Variants in USP15 observed in about 807,000 individuals in gnomAD.
The protein encoded by USP15 is ubiquitin specific peptidase 15.
USP15 carries 18 observed loss-of-function variants against 127.1 expected under a neutral mutation model. That is an observed-to-expected ratio of 0.14 (90% CI 0.10 to 0.21). The LOEUF (loss-of-function observed/expected upper bound fraction) is 0.21, where lower values mean the gene tolerates loss of function less well. Among genes scored for constraint, USP15 ranks in the 10% least tolerant of loss-of-function variants. The probability of loss-of-function intolerance (pLI) is 1.00; values close to 1 mark genes in which losing one functional copy is unlikely to be tolerated. For missense variants in USP15, 805 were observed against 1,159.9 expected (o/e 0.69, Z 4.44); for synonymous variants, 364 against 393.7 (o/e 0.92, Z 0.89).
intron 3 of USP15, chr12:62,314,137 C>A: frequency 2.4e-6 from 1 of 422,080 alleles, no homozygotes; most frequent in Non-Finnish European, 3.2e-6. Flanking sequence ...TTAATTGCTG[C>A]ATAGAATTAC....
chr12:62,323,776 C>T (rs2065054525), intron 5 of USP15, among the ~76,000 whole-genome samples: 3 of 151,946 alleles, frequency 2.0e-5, no homozygotes, highest in Non-Finnish European at 2.9e-5. Flanking sequence ...CTCTTTTCAT[C>T]GTGTACATTA....
At chr12:62,298,842 A>G (rs1019141274) in intron 2 of USP15, among the ~76,000 whole-genome samples, 30 of 151,476 alleles carry the variant, frequency 2.0e-4, no homozygotes, top group African/African-American at 7.3e-4. Flanking sequence ...AAAAAAAAAA[A>G]AAAAAAAAAA....
At chr12:62,268,435 A>T (rs1379325456) in intron 1 of USP15, among the ~76,000 whole-genome samples, 1 of 152,158 alleles carries the variant, frequency 6.6e-6, no homozygotes, top group Non-Finnish European at 1.5e-5. Context: ...TTCATTTGTT[A>T]TTAATATCAA....
chr12:62,408,078 T>A lies in USP15; in HGVS notation c.*3703T>A, dbSNP rs1470807099. On this transcript the variant is annotated 3_prime_UTR_variant, in exon 22 of 22. Transcript: ENST00000280377. ...ACAACATAAAGGTGGTGGGGTTTTT[T>A]ATGAACTAATTTGATTGAAGTGAGT... is the stretch of plus-strand genomic sequence containing the variant. 6.6e-6 allele frequency: 1 copy of A among 152,100 alleles called. No individual in the cohort carries two copies. The highest frequency in any genetic ancestry group is 2.4e-5 in the African/African-American group (1 of 41,426). 9.4% of individuals were successfully genotyped at this position (152,100 alleles called of 1,614,324 possible).
chr12:62,283,474 C>G (rs531062722), intron 1 of USP15, among the ~76,000 whole-genome samples: 1 of 151,990 alleles, frequency 6.6e-6, no homozygotes, highest in Non-Finnish European at 1.5e-5. Flanking sequence ...TTTAGGAGCC[C>G]TAGCCAAGAA....
rs149750632 is a variant in USP15 at position 62,366,405 on chromosome 12, C to A, written c.915+10930C>A. 5.4e-3 allele frequency among the ~76,000 whole-genome samples: 815 copies of A among 152,204 alleles called. 9 individuals are homozygous for A. Among genetic ancestry groups the A allele is most frequent in the African/African-American group, 0.019 (776 of 41,532 alleles). ...TGATTTTTGCACATTGATTTTGTAT[C>A]CTGAGACTTTGCTGAAGTTGCTTAT... On this transcript the variant is annotated intron_variant, in intron 8 of 21. Transcript: ENST00000280377.
chr12:62,347,165 T>G (rs2065843587), intron 6 of USP15, among the ~76,000 whole-genome samples: 1 of 152,082 alleles, frequency 6.6e-6, no homozygotes, highest in Non-Finnish European at 1.5e-5. Context: ...GTTTGAGTGT[T>G]TAAATGAACT....
chr12:62,411,357 CTTCA>C lies in USP15; in HGVS notation c.*6990_*6993del, dbSNP rs892283963. On this transcript the variant is annotated 3_prime_UTR_variant, in exon 22 of 22. Transcript: ENST00000280377. The stretch of plus-strand genomic sequence containing the variant: ...TCTGTATCTGTTAAGGCCTCTAGAG[CTTCA>C]TTCATTCCTTCATCAAATATTTTTT... 90 of 152,180 alleles carry C rather than the reference CTTCA, an allele frequency of 5.9e-4. No individual in the cohort carries two copies. Among genetic ancestry groups the C allele is most frequent in the African/African-American group, 1.7e-3 (72 of 41,512 alleles). The allele number at this position is 152,180 out of a possible 1,614,324, so 9.4% of individuals were successfully genotyped here.
At chr12:62,311,037 TA>T (rs1418047637) in intron 3 of USP15, among the ~76,000 whole-genome samples, 1 of 152,034 alleles carries the variant, frequency 6.6e-6, no homozygotes, top group East Asian at 1.9e-4. Flanking sequence ...GAGAAATGTC[TA>T]TTCATGTCCT....
intron 20 of USP15, among the ~76,000 whole-genome samples, chr12:62,400,818 G>C (rs73136889): frequency 0.22 from 34,054 of 151,830 alleles, 4,160 homozygotes; most frequent in African/African-American, 0.34. Context: ...CAGGTGGGGA[G>C]AATAATAATG....
intron 1 of USP15, among the ~76,000 whole-genome samples, chr12:62,276,532 G>A (rs930676861): frequency 2.6e-5 from 4 of 151,818 alleles, no homozygotes; most frequent in Non-Finnish European, 5.9e-5. Context: ...TGTCCTTTAT[G>A]TGCTTTTCCT....
intron 5 of USP15, among the ~76,000 whole-genome samples, chr12:62,325,127 A>G (rs1169083727): frequency 6.6e-6 from 1 of 151,970 alleles, no homozygotes; most frequent in African/African-American, 2.4e-5. Flanking sequence ...AGACTAATCC[A>G]TAGCAAAAAC....
At chr12:62,301,325 C>T (rs1158662682) in intron 2 of USP15, among the ~76,000 whole-genome samples, 1 of 152,080 alleles carries the variant, frequency 6.6e-6, no homozygotes, top group Non-Finnish European at 1.5e-5. Context: ...CCCAGTCATT[C>T]CACTCCTAGG....
intron 1 of USP15, among the ~76,000 whole-genome samples, chr12:62,292,842 A>G (rs1342087878): frequency 6.6e-6 from 1 of 152,086 alleles, no homozygotes; most frequent in Non-Finnish European, 1.5e-5. Context: ...TGTGGGATAG[A>G]TTATTGGGAA....
chr12:62,393,232 G>A (rs2067377764), intron 19 of USP15, 30 bp downstream of exon 19: 1 of 1,587,986 alleles, frequency 6.3e-7, no homozygotes, highest in Non-Finnish European at 8.6e-7. Context: ...TATAAGCATT[G>A]GGCAACTCTT....
chr12:62,301,092 G>A (rs1380464933), intron 2 of USP15, among the ~76,000 whole-genome samples: 1 of 152,058 alleles, frequency 6.6e-6, no homozygotes, highest in Non-Finnish European at 1.5e-5. Context: ...CACCAAAGAA[G>A]ATATAGGTTT....
intron 1 of USP15, among the ~76,000 whole-genome samples, chr12:62,276,729 C>T (rs1472250672): frequency 6.6e-6 from 1 of 151,914 alleles, no homozygotes; most frequent in African/African-American, 2.4e-5. Flanking sequence ...TTTTCCAAGT[C>T]TTGAAGAAAA....
intron 8 of USP15, among the ~76,000 whole-genome samples, chr12:62,377,772 C>T (rs936234298): frequency 6.6e-6 from 1 of 150,814 alleles, no homozygotes; most frequent in African/African-American, 2.4e-5. Context: ...AGAATGATGA[C>T]ATTGAATACT....
intron 4 of USP15, among the ~76,000 whole-genome samples, chr12:62,319,667 G>A (rs2064929820): frequency 6.6e-6 from 1 of 152,064 alleles, no homozygotes; most frequent in Admixed American, 6.6e-5. Flanking sequence ...TGCCTGTAAT[G>A]TTCCCCCATA....
Sources: gnomAD v4.1 joint callset for allele counts (sites outside exome capture counted in the v4.1 genomes callset) on GRCh38, gnomAD v4.1.1 for gene constraint, MANE v1.5 for transcripts, NCBI Gene and HGNC (gene_info 2026-07-23, HGNC 2026-07-21) for gene names.